The following SBF2 variants were observed in gnomAD, a reference collection of about 807,000 sequenced individuals.
SBF2 encodes the protein SET binding factor 2, also known as myotubularin-related protein 13.
SBF2 carries 112 observed loss-of-function variants against 225.2 expected under a neutral mutation model. That is an observed-to-expected ratio of 0.50 (90% CI 0.43 to 0.58). The LOEUF (loss-of-function observed/expected upper bound fraction) is 0.58, where lower values mean the gene tolerates loss of function less well. SBF2 is among the 20% of genes least tolerant of loss of function. The probability of loss-of-function intolerance (pLI) is 0.00; values close to 1 mark genes in which losing one functional copy is unlikely to be tolerated. For synonymous variants in SBF2, 763 were observed against 773.3 expected, an observed-to-expected ratio of 0.99 and a Z score of 0.22; for missense variants, 1,996 against 2,206.2, an observed-to-expected ratio of 0.90 and a Z score of 1.91.
At chr11:9,793,547 G>T (rs183496643) in intron 33 of SBF2, among the ~76,000 whole-genome samples, 1 of 152,076 alleles carries the variant, frequency 6.6e-6, no homozygotes, top group African/African-American at 2.4e-5. Context: ...ATGCCACCAC[G>T]CCTGGCTAAT....
intron 2 of SBF2, among the ~76,000 whole-genome samples, chr11:10,085,797 C>T (rs76862843): frequency 0.049 from 7,464 of 152,074 alleles, 251 homozygotes; most frequent in East Asian, 0.11. Context: ...CTTCTCCCTG[C>T]TCATACCTGT....
intron 2 of SBF2, among the ~76,000 whole-genome samples, chr11:10,056,584 T>C (rs944484445): frequency 5.9e-5 from 9 of 152,242 alleles, no homozygotes; most frequent in Non-Finnish European, 2.9e-5. Flanking sequence ...TTTTCGTATA[T>C]TGATTTTGTA....
chr11:9,819,387 G>C (rs1159097718), intron 28 of SBF2: 1 of 152,094 alleles, frequency 6.6e-6, no homozygotes, highest in Non-Finnish European at 1.5e-5. Flanking sequence ...GAGAAGAATA[G>C]GCTATTTAAT....
At chr11:10,051,201 G>A (rs1262963115) in intron 2 of SBF2, among the ~76,000 whole-genome samples, 2 of 151,982 alleles carry the variant, frequency 1.3e-5, no homozygotes, top group East Asian at 3.9e-4. Context: ...TAGCTATTGA[G>A]CCATGTTTTA....
intron 2 of SBF2, among the ~76,000 whole-genome samples, chr11:10,072,938 T>C (rs972545811): frequency 2.6e-5 from 4 of 151,870 alleles, no homozygotes; most frequent in African/African-American, 9.7e-5. Context: ...TCATTATTTT[T>C]GGTAAAGACA....
At chr11:10,296,609 C>A (rs532980302), upstream of SBF2, among the ~76,000 whole-genome samples, 2 of 152,088 alleles carry the variant, frequency 1.3e-5, no homozygotes, top group African/African-American at 4.8e-5. Context: ...TATGTATATA[C>A]CATATTTTGT....
At position 9,816,895 on chromosome 11, in the gene SBF2, T is replaced by C. The variant is rs1176767492; in HGVS notation, c.3923A>G (p.Gln1308Arg). 7 of 1,614,216 alleles carry C rather than the reference T, an allele frequency of 4.3e-6. No homozygotes were observed. Among genetic ancestry groups the C allele is most frequent in the East Asian group, 4.5e-5 (2 of 44,884 alleles). The change falls in exon 29 of 40, where the codon CAG (glutamine) becomes CGG (arginine). Residue 1308 changes from glutamine to arginine, a missense_variant. Coordinates refer to ENST00000256190, the MANE Select transcript of SBF2 (RefSeq NM_030962.4). The stretch of plus-strand genomic sequence containing the variant: ...AAGGGCTGCTTGCCGTTTCAAGAGC[T>C]GGTTTTGTAGGTAGCTGCTGTTACT... ...SFSNSSYLQN[Q>R]LLKRQAALYI...
At chr11:9,790,498 A>C (rs1320300002) in intron 34 of SBF2, 58 bp downstream of exon 34, 12 of 1,454,250 alleles carry the variant, frequency 8.3e-6, no homozygotes, top group African/African-American at 2.8e-5. Context: ...TGTTAAAACT[A>C]AGGAAAACCT....
At chr11:10,109,340 C>T (rs1336441394) in intron 2 of SBF2, among the ~76,000 whole-genome samples, 1 of 152,162 alleles carries the variant, frequency 6.6e-6, no homozygotes. Context: ...TATTAAGCAG[C>T]AACCATTTGT....
chr11:9,816,210 T>C (rs1370893912), intron 29 of SBF2, among the ~76,000 whole-genome samples: 1 of 152,210 alleles, frequency 6.6e-6, no homozygotes, highest in Admixed American at 6.5e-5. Context: ...ATCTTTACAA[T>C]TTATGGGCCC....
At chr11:9,858,602 A>G (rs939574585) in intron 17 of SBF2, among the ~76,000 whole-genome samples, 1 of 152,218 alleles carries the variant, frequency 6.6e-6, no homozygotes, top group Non-Finnish European at 1.5e-5. Flanking sequence ...AGTCTCAGTC[A>G]CTTTATCAAA....
chr11:10,026,579 A>G (rs1480219551), intron 6 of SBF2, among the ~76,000 whole-genome samples: 2 of 152,150 alleles, frequency 1.3e-5, no homozygotes. Context: ...AAACAAAAAA[A>G]TTAAAAAAAT....
intron 17 of SBF2, among the ~76,000 whole-genome samples, chr11:9,860,547 T>A (rs1409771719): frequency 6.6e-6 from 1 of 152,038 alleles, no homozygotes; most frequent in Non-Finnish European, 1.5e-5. Context: ...CCCAGGCTGG[T>A]CTTGAACTCC....
intron 1 of SBF2, among the ~76,000 whole-genome samples, chr11:10,242,375 G>T (rs1646007046): frequency 6.6e-6 from 1 of 150,398 alleles, no homozygotes; most frequent in Non-Finnish European, 1.5e-5. Flanking sequence ...TACAAAAAAA[G>T]ATAAAAAGAA....
chr11:10,265,876 C>T (rs2957656), intron 1 of SBF2, among the ~76,000 whole-genome samples: 30 of 141,068 alleles, frequency 2.1e-4, no homozygotes, highest in East Asian at 4.9e-4. Context: ...TGTGTGTGTG[C>T]GCGCGCGCAT....
chr11:9,923,759 T>C (rs971293302), intron 16 of SBF2, among the ~76,000 whole-genome samples: 2 of 151,774 alleles, frequency 1.3e-5, no homozygotes, highest in Admixed American at 1.3e-4. Context: ...ATTGATTTTC[T>C]TTACCCTTTT....
intron 32 of SBF2, among the ~76,000 whole-genome samples, chr11:9,799,524 C>T (rs1195634691): frequency 1.3e-5 from 2 of 152,166 alleles, no homozygotes; most frequent in African/African-American, 4.8e-5. Flanking sequence ...GTTTTTTACT[C>T]TTCAGCAATA....
chr11:9,919,955 C>T (rs1863469080), intron 16 of SBF2, among the ~76,000 whole-genome samples: 1 of 152,052 alleles, frequency 6.6e-6, no homozygotes. Flanking sequence ...TGGTCTGGAA[C>T]TCCTGACCTC....
chr11:10,167,967 G>A (rs1845699808), intron 2 of SBF2, among the ~76,000 whole-genome samples: 2 of 152,226 alleles, frequency 1.3e-5, no homozygotes, highest in Non-Finnish European at 1.5e-5. Flanking sequence ...GTGGTGAGTA[G>A]AGATCGTGCC....
Sources: allele counts gnomAD v4.1 joint callset (sites outside exome capture counted in the v4.1 genomes callset), GRCh38; gene constraint gnomAD v4.1.1; transcripts MANE v1.5; gene names NCBI Gene and HGNC (gene_info 2026-07-23, HGNC 2026-07-21).